Variants in UBR3 observed in about 807,000 individuals in gnomAD.
UBR3 encodes the protein ubiquitin protein ligase E3 component n-recognin 3.
In UBR3, 85 loss-of-function variants were observed where a neutral mutation model predicts 243.2. The ratio of observed to expected loss-of-function variants is 0.35; its 90% CI spans 0.29 to 0.42. UBR3 has a LOEUF of 0.42. UBR3 is among the 10% of genes least tolerant of loss of function. The pLI, the probability that UBR3 is intolerant of heterozygous loss-of-function variation, is 1.00. For missense variants in UBR3, 1,686 were observed against 2,300.8 expected, an observed-to-expected ratio of 0.73 and a Z score of 5.47; for synonymous variants, 748 against 799.8, an observed-to-expected ratio of 0.94 and a Z score of 1.09.
At position 169,862,730 on chromosome 2, in the gene UBR3, G is replaced by A. The variant is rs902040923; in HGVS notation, c.546-9506G>A. Among the ~76,000 whole-genome samples, 3 of 151,826 alleles carry A rather than the reference G, an allele frequency of 2.0e-5. No individual in the cohort carries two copies. The East Asian group carries it at 5.8e-4, about 29-fold the overall frequency. On this transcript the variant is annotated intron_variant, in intron 1 of 38. Transcript: ENST00000272793. ...TTAGGTAGATATCATATATGTTTAT[G>A]GTATGCCTTTTATGTCATTTTGGGC...
chr2:170,062,025 T>C (rs2091468090), intron 35 of UBR3, among the ~76,000 whole-genome samples: 1 of 152,232 alleles, frequency 6.6e-6, no homozygotes, highest in South Asian at 2.1e-4. Flanking sequence ...GGATTCAGTC[T>C]TATTGACATT....
intron 1 of UBR3, among the ~76,000 whole-genome samples, chr2:169,832,036 G>C (rs1374700036): frequency 6.6e-6 from 1 of 152,122 alleles, no homozygotes; most frequent in South Asian, 2.1e-4. Flanking sequence ...GGATGTTCTT[G>C]ATTGGAGATG....
chr2:170,048,037 A>G (rs573762726), intron 32 of UBR3, among the ~76,000 whole-genome samples: 1 of 152,340 alleles, frequency 6.6e-6, no homozygotes, highest in African/African-American at 2.4e-5. Context: ...AACAGATGTT[A>G]TTAAAGAATG....
intron 32 of UBR3, among the ~76,000 whole-genome samples, chr2:170,043,802 A>T (rs2091022135): frequency 6.6e-6 from 1 of 152,146 alleles, no homozygotes; most frequent in South Asian, 2.1e-4. Flanking sequence ...TGCTTTTAAA[A>T]CTTGTGCTTT....
chr2:170,013,636 C>T (rs946561799), intron 29 of UBR3, among the ~76,000 whole-genome samples: 1 of 151,572 alleles, frequency 6.6e-6, no homozygotes, highest in African/African-American at 2.4e-5. Flanking sequence ...GTTTGTCATC[C>T]GTTATATTTG....
At chr2:169,929,118 C>T (rs1280760599) in intron 18 of UBR3, among the ~76,000 whole-genome samples, 1 of 152,022 alleles carries the variant, frequency 6.6e-6, no homozygotes, top group Non-Finnish European at 1.5e-5. Context: ...TATATTTGAA[C>T]TCTAATTCAT....
chr2:169,852,868 A>AAAAC (rs1559021075), intron 1 of UBR3, among the ~76,000 whole-genome samples: 7 of 145,502 alleles, frequency 4.8e-5, no homozygotes. Context: ...AAAAAAAAAA[A>AAAAC]AAAAAAAAAA....
chr2:169,960,118 G>A (rs1841656), intron 24 of UBR3, among the ~76,000 whole-genome samples: 40,823 of 151,212 alleles, frequency 0.27, 5,731 homozygotes, highest in East Asian at 0.42. Context: ...TGGGCTTGGT[G>A]GTGCACACCT....
chr2:170,078,470 T>C (rs376602157), intron 36 of UBR3, among the ~76,000 whole-genome samples: 58 of 152,330 alleles, frequency 3.8e-4, no homozygotes, highest in African/African-American at 1.2e-3. Context: ...TACATATGCA[T>C]TCCAATTGTG....
rs368610061 is a variant in UBR3, at chr2:169,867,065, A to C, written c.546-5171A>C. ...GAGGTAAAACCAAATGTATGGCATA[A>C]CTTATTTTTTGTTTTTGGTTTAAAT... On this transcript the variant is annotated intron_variant, in intron 1 of 38. Transcript: ENST00000272793. Among the ~76,000 whole-genome samples, 34 of 152,298 alleles carry C rather than the reference A, an allele frequency of 2.2e-4. No individual in the cohort carries two copies. In the South Asian group the frequency reaches 7.0e-3, roughly 32 times the overall value.
chr2:170,033,337 C>T lies in UBR3; in HGVS notation c.4556+3889C>T, dbSNP rs933384600. Among the ~76,000 whole-genome samples the T allele has an allele frequency of 5.9e-5, 9 of 151,916 alleles. No homozygotes were observed. The East Asian group carries it at 1.4e-3, about 23-fold the overall frequency. The stretch of plus-strand genomic sequence containing the variant: ...CTTTGCATATATAATCTCATTTAAT[C>T]GTCAATAATAACTCTATGTACTAGG... On this transcript the variant is annotated intron_variant, in intron 31 of 38. Transcript: ENST00000272793.
rs190153525 is a variant in UBR3, at chr2:169,910,419, T to G, written c.1780-3641T>G. 2.0e-5 allele frequency among the ~76,000 whole-genome samples: 3 copies of G among 152,254 alleles called. No individual in the cohort carries two copies. The East Asian group carries it at 5.8e-4, about 29-fold the overall frequency. ...TAGGAAGATTATTCTGACTACTGTGTTTAGGATGAATTTTAATTATGAGGC... is the reference window on the plus strand; with the variant it reads ...TAGGAAGATTATTCTGACTACTGTGGTTAGGATGAATTTTAATTATGAGGC... On this transcript the variant is annotated intron_variant, in intron 10 of 38. Transcript: ENST00000272793.
intron 24 of UBR3, among the ~76,000 whole-genome samples, chr2:169,977,654 T>G (rs1168237735): frequency 6.6e-6 from 1 of 152,144 alleles, no homozygotes; most frequent in Non-Finnish European, 1.5e-5. Flanking sequence ...CCTGCTTTGT[T>G]CTAGCTTTAC....
chr2:169,946,371 TGAA>T lies in UBR3; in HGVS notation c.2896_2898del (p.Glu966del), dbSNP rs752926770. The T allele has an allele frequency of 1.5e-5, 23 of 1,501,612 alleles. No homozygotes were observed. Among genetic ancestry groups the T allele is most frequent in the Non-Finnish European group, 2.1e-5 (23 of 1,119,888 alleles). 93.0% of individuals were successfully genotyped at this position (1,501,612 alleles called of 1,614,324 possible). On this transcript the variant is annotated inframe_deletion, in exon 21 of 39. Coordinates refer to ENST00000272793, the MANE Select transcript of UBR3 (RefSeq NM_172070.4). ...TTGAATTAGGACTTGAAAATTCTGCTGAAGAAGAATCAGATGAAGAGGTAAGTA... is the reference window on the plus strand; with the variant it reads ...TTGAATTAGGACTTGAAAATTCTGCTGAAGAATCAGATGAAGAGGTAAGTA...
intron 8 of UBR3, among the ~76,000 whole-genome samples, chr2:169,902,275 G>A (rs1425204554): frequency 6.6e-6 from 1 of 152,096 alleles, no homozygotes; most frequent in Non-Finnish European, 1.5e-5. Flanking sequence ...TCAAACCATG[G>A]CCATCTCTAA....
chr2:169,857,977 G>A (rs935895414), intron 1 of UBR3, among the ~76,000 whole-genome samples: 1 of 152,178 alleles, frequency 6.6e-6, no homozygotes, highest in African/African-American at 2.4e-5. Flanking sequence ...TTTGTAGGCT[G>A]TAGTGTTATT....
chr2:169,965,959 C>T (rs747955030), intron 24 of UBR3, among the ~76,000 whole-genome samples: 14 of 152,130 alleles, frequency 9.2e-5, no homozygotes, highest in Non-Finnish European at 4.4e-5. Context: ...TTATAACATA[C>T]AGTATGTTAT....
At chr2:170,012,726 T>TGGTAG (rs1340220599) in intron 29 of UBR3, among the ~76,000 whole-genome samples, 1 of 150,020 alleles carries the variant, frequency 6.7e-6, no homozygotes, top group Non-Finnish European at 1.5e-5. Context: ...AACTACTGAG[T>TGGTAG]GGTAGACTCA....
intron 29 of UBR3, 132 bp from the exon 30 acceptor site, chr2:170,015,149 C>A: frequency 1.6e-6 from 1 of 607,992 alleles, no homozygotes; most frequent in Non-Finnish European, 2.8e-6. Context: ...ATTACTGATA[C>A]AACATAAAAA....
Sources: allele counts gnomAD v4.1 joint callset (sites outside exome capture counted in the v4.1 genomes callset), GRCh38; gene constraint gnomAD v4.1.1; transcripts MANE v1.5; gene names NCBI Gene and HGNC (gene_info 2026-07-23, HGNC 2026-07-21).